Variants in CSMD1 observed in about 807,000 individuals in gnomAD.
CSMD1 encodes the protein CUB and Sushi multiple domains 1.
CSMD1 carries 213 observed loss-of-function variants against 417.5 expected under a neutral mutation model. That is an observed-to-expected ratio of 0.51 (90% confidence interval 0.46 to 0.57). The LOEUF is 0.57. Among genes scored for constraint, CSMD1 ranks in the 20% least tolerant of loss-of-function variants. The pLI is 0.00. For synonymous variants in CSMD1, 2,862 were observed against 1,736.8 expected, an observed-to-expected ratio of 1.65 and a Z score of -16.11; for missense variants, 6,923 against 4,529.7, an observed-to-expected ratio of 1.53 and a Z score of -15.17.
Position 3,100,341 on chromosome 8 carries a change from G to A in CSMD1, c.6950-3304C>T, listed in dbSNP as rs1035400194. On this transcript the variant is annotated intron_variant, in intron 46 of 69. Coordinates refer to ENST00000635120, the MANE Select transcript of CSMD1 (RefSeq NM_033225.6). The stretch of plus-strand genomic sequence containing the variant: ...ATGCTCGGCCTAAGAAGCATTTGGA[G>A]GTGTTTACCCATGAGCGAAAGTGAT... Among the ~76,000 whole-genome samples the A allele has an allele frequency of 3.9e-5, 6 of 152,178 alleles. No homozygotes were observed. In the East Asian group the frequency reaches 7.7e-4, roughly 20 times the overall value.
intron 1 of CSMD1, among the ~76,000 whole-genome samples, chr8:4,862,127 C>A (rs763226425): frequency 6.6e-6 from 1 of 151,952 alleles, no homozygotes; most frequent in South Asian, 2.1e-4. Flanking sequence ...CTCTAAGGGT[C>A]TGGGGACAAG....
intron 2 of CSMD1, among the ~76,000 whole-genome samples, chr8:4,627,524 T>G (rs1181390427): frequency 6.6e-6 from 1 of 152,280 alleles, no homozygotes; most frequent in Non-Finnish European, 1.5e-5. Flanking sequence ...ATAAAATAAC[T>G]ATTTCATTTC....
At chr8:4,785,946 A>T (rs117113946) in intron 1 of CSMD1, among the ~76,000 whole-genome samples, 1,591 of 152,292 alleles carry the variant, frequency 0.01, 13 homozygotes, top group East Asian at 0.055. Context: ...CCTGAATTAA[A>T]GTTTTCAACA....
At chr8:4,799,079 G>C (rs568492018) in intron 1 of CSMD1, among the ~76,000 whole-genome samples, 1 of 152,184 alleles carries the variant, frequency 6.6e-6, no homozygotes, top group Admixed American at 6.5e-5. Context: ...TGCATTGGCC[G>C]ACCCTGCGCA....
intron 3 of CSMD1, among the ~76,000 whole-genome samples, chr8:4,389,005 G>C (rs1002061221): frequency 2.6e-5 from 4 of 152,100 alleles, no homozygotes; most frequent in African/African-American, 4.8e-5. Flanking sequence ...AATTGTTCAG[G>C]TGTGACCTAA....
At chr8:3,617,914 A>G (rs535619896) in intron 7 of CSMD1, among the ~76,000 whole-genome samples, 1 of 152,354 alleles carries the variant, frequency 6.6e-6, no homozygotes, top group East Asian at 1.9e-4. Flanking sequence ...ATTCCGTGAG[A>G]AGAAAATAAT....
chr8:4,251,266 AG>A (rs1401995293), intron 3 of CSMD1, among the ~76,000 whole-genome samples: 1 of 152,206 alleles, frequency 6.6e-6, no homozygotes. Context: ...GGTATATGGA[AG>A]GCTTTTTAAA....
At chr8:3,946,410 C>G (rs913777053) in intron 5 of CSMD1, among the ~76,000 whole-genome samples, 1 of 152,076 alleles carries the variant, frequency 6.6e-6, no homozygotes, top group African/African-American at 2.4e-5. Flanking sequence ...TTGAGCAATC[C>G]CGCATCACCT....
intron 5 of CSMD1, among the ~76,000 whole-genome samples, chr8:3,830,409 G>C (rs1358203030): frequency 6.6e-6 from 1 of 152,170 alleles, no homozygotes; most frequent in African/African-American, 2.4e-5. Flanking sequence ...CCAATCAGAT[G>C]ATACCCAGGT....
At chr8:4,136,053 G>A (rs923847033) in intron 3 of CSMD1, among the ~76,000 whole-genome samples, 5 of 152,022 alleles carry the variant, frequency 3.3e-5, no homozygotes, top group African/African-American at 7.2e-5. Flanking sequence ...ATTTTAAATG[G>A]CACTTGGCAA....
intron 1 of CSMD1, among the ~76,000 whole-genome samples, chr8:4,748,593 G>A (rs544473771): frequency 9.9e-5 from 15 of 152,280 alleles, no homozygotes; most frequent in African/African-American, 3.1e-4. Flanking sequence ...GAAGACTCAC[G>A]GGGAGAAATC....
chr8:3,755,982 C>T (rs1347529717), intron 5 of CSMD1, among the ~76,000 whole-genome samples: 8 of 152,014 alleles, frequency 5.3e-5, no homozygotes, highest in South Asian at 4.2e-4. Flanking sequence ...TTGCCTAATA[C>T]GGAGAATGTC....
chr8:3,560,096 G>A (rs1037437352), intron 10 of CSMD1, among the ~76,000 whole-genome samples: 9 of 152,134 alleles, frequency 5.9e-5, no homozygotes, highest in African/African-American at 2.2e-4. Context: ...GACACCCAGA[G>A]ATTCCAGGAC....
At chr8:3,524,394 T>G (rs1797664355) in intron 10 of CSMD1, among the ~76,000 whole-genome samples, 2 of 144,848 alleles carry the variant, frequency 1.4e-5, no homozygotes, top group African/African-American at 5.2e-5. Flanking sequence ...TACACACACA[T>G]GCACACCCAG....
chr8:3,357,421 G>A (rs957632343), intron 21 of CSMD1, among the ~76,000 whole-genome samples: 13 of 152,168 alleles, frequency 8.5e-5, no homozygotes, highest in Admixed American at 3.3e-4. Context: ...GACTAAACAC[G>A]TTATTACATG....
chr8:3,328,599 A>G (rs550939306), intron 23 of CSMD1, among the ~76,000 whole-genome samples: 1 of 152,190 alleles, frequency 6.6e-6, no homozygotes, highest in African/African-American at 2.4e-5. Context: ...TCCAATGTAC[A>G]TATAGTGGGC....
intron 10 of CSMD1, among the ~76,000 whole-genome samples, chr8:3,553,488 A>C (rs1468783823): frequency 6.6e-6 from 1 of 152,206 alleles, no homozygotes; most frequent in Non-Finnish European, 1.5e-5. Context: ...AGATATTCCT[A>C]AGACAGCTGC....
chr8:4,136,824 T>C (rs983635846), intron 3 of CSMD1, among the ~76,000 whole-genome samples: 1 of 152,196 alleles, frequency 6.6e-6, no homozygotes, highest in Non-Finnish European at 1.5e-5. Context: ...GATCCTGACA[T>C]CCAAATGTTT....
chr8:4,143,288 G>A (rs1281078502), intron 3 of CSMD1, among the ~76,000 whole-genome samples: 1 of 150,574 alleles, frequency 6.6e-6, no homozygotes, highest in Admixed American at 6.6e-5. Context: ...TCTCCTTCAG[G>A]CCACAGCTTT....
Sources: allele counts gnomAD v4.1 joint callset (sites outside exome capture counted in the v4.1 genomes callset), GRCh38; gene constraint gnomAD v4.1.1; transcripts MANE v1.5; gene names NCBI Gene and HGNC (gene_info 2026-07-23, HGNC 2026-07-21).